Variants in ACYP2 observed in about 807,000 individuals in gnomAD.
The protein encoded by ACYP2 is acylphosphatase 2, also known as acylphosphatase-2.
ACYP2 carries 12 observed loss-of-function variants against 11.2 expected under a neutral mutation model. The ratio of observed to expected loss-of-function variants is 1.08; its 90% CI spans 0.69 to 1.74. ACYP2 has a LOEUF of 1.74. Among genes scored for constraint, ACYP2 ranks in the 40% most tolerant of loss-of-function variants. ACYP2 has a pLI of 0.00. For missense variants in ACYP2, 134 were observed against 101.9 expected, an observed-to-expected ratio of 1.31 and a Z score of -1.35; for synonymous variants, 43 against 32.2, an observed-to-expected ratio of 1.33 and a Z score of -1.13.
At chr2:54,296,432 T>C (rs888402607) in intron 6 of ACYP2, among the ~76,000 whole-genome samples, 5 of 152,246 alleles carry the variant, frequency 3.3e-5, no homozygotes, top group African/African-American at 4.8e-5. Flanking sequence ...GCACAGTTAA[T>C]TTATTACACA....
intron 2 of ACYP2, among the ~76,000 whole-genome samples, chr2:54,040,198 G>T (rs1317828661): frequency 5.3e-5 from 8 of 152,150 alleles, no homozygotes. Context: ...TGATAGGTCA[G>T]ATGTGAGGTG....
chr2:54,111,628 C>T (rs905731562), intron 4 of ACYP2, among the ~76,000 whole-genome samples: 2 of 152,230 alleles, frequency 1.3e-5, no homozygotes, highest in African/African-American at 4.8e-5. Context: ...AGCTGACCAA[C>T]AGTCTGCTGT....
At chr2:54,133,202 T>C (rs1055395828) in intron 4 of ACYP2, among the ~76,000 whole-genome samples, 2 of 152,212 alleles carry the variant, frequency 1.3e-5, no homozygotes, top group East Asian at 1.9e-4. Context: ...TCCTTATAGT[T>C]TGCCTTTTCC....
intron 6 of ACYP2, among the ~76,000 whole-genome samples, chr2:54,158,909 G>C (rs887630949): frequency 6.6e-6 from 1 of 152,162 alleles, no homozygotes; most frequent in Non-Finnish European, 1.5e-5. Context: ...ACAATATTTT[G>C]ATGCATAATG....
At chr2:54,198,918 C>T (rs1398732186) in intron 6 of ACYP2, among the ~76,000 whole-genome samples, 1 of 152,176 alleles carries the variant, frequency 6.6e-6, no homozygotes, top group African/African-American at 2.4e-5. Context: ...ACACTCTCTC[C>T]CCTCAGCTTC....
intron 4 of ACYP2, among the ~76,000 whole-genome samples, chr2:54,082,307 G>A (rs898675397): frequency 2.0e-5 from 3 of 151,032 alleles, no homozygotes; most frequent in Middle Eastern, 3.4e-3. Flanking sequence ...GTGCAGTGGT[G>A]TGGTCTCGGC....
At chr2:54,076,561 A>G (rs993817714) in intron 4 of ACYP2, among the ~76,000 whole-genome samples, 1 of 152,262 alleles carries the variant, frequency 6.6e-6, no homozygotes, top group African/African-American at 2.4e-5. Flanking sequence ...AATATTGAAT[A>G]TAAAAATATT....
At chr2:54,215,592 T>C (rs921619106) in intron 6 of ACYP2, among the ~76,000 whole-genome samples, 1 of 152,192 alleles carries the variant, frequency 6.6e-6, no homozygotes, top group Non-Finnish European at 1.5e-5. Context: ...TGTAGATAGC[T>C]GCTATTGTGG....
At chr2:54,045,406 G>T (rs1410529634) in intron 2 of ACYP2, among the ~76,000 whole-genome samples, 1 of 152,184 alleles carries the variant, frequency 6.6e-6, no homozygotes, top group Non-Finnish European at 1.5e-5. Context: ...ATGCAGTGGG[G>T]ATACGAAACT....
chr2:54,055,285 C>T (rs899177755), intron 3 of ACYP2, among the ~76,000 whole-genome samples: 1 of 152,186 alleles, frequency 6.6e-6, no homozygotes, highest in African/African-American at 2.4e-5. Context: ...ATCCACCTGC[C>T]TTGGCCACCC....
intron 6 of ACYP2, among the ~76,000 whole-genome samples, chr2:54,165,535 T>TCACACA (rs1163844895): frequency 2.4e-3 from 311 of 128,944 alleles, no homozygotes; most frequent in Middle Eastern, 7.2e-3. Flanking sequence ...TCTCTCTCTC[T>TCACACA]CACACACACA....
At chr2:54,007,138 C>CAAA (rs70944145) in intron 2 of ACYP2, among the ~76,000 whole-genome samples, 639 of 51,984 alleles carry the variant, frequency 0.012, no homozygotes, top group Non-Finnish European at 0.014. Flanking sequence ...GACTCTGTGT[C>CAAA]AAAAAAAAAA....
chr2:53,978,801 T>A (rs1467766074), intron 2 of ACYP2, among the ~76,000 whole-genome samples: 1 of 152,180 alleles, frequency 6.6e-6, no homozygotes, highest in African/African-American at 2.4e-5. Context: ...CACATTCCTG[T>A]GGTCCCAGCT....
intron 6 of ACYP2, among the ~76,000 whole-genome samples, chr2:54,303,160 G>A (rs1689792333): frequency 6.6e-6 from 1 of 152,164 alleles, no homozygotes; most frequent in South Asian, 2.1e-4. Context: ...GACCAGCCTA[G>A]GCAACATGGT....
rs561748353 is a variant in ACYP2 at position 54,192,390 on chromosome 2, TTTTAAATTTC to T, written c.404+53643_404+53652del. On this transcript the variant is annotated intron_variant, in intron 6 of 6. Transcript: ENST00000607452. Reference sequence around the variant, plus strand: ...ATTACACAGTACTTATTTTTAATTTTTTTAAATTTCACATATAAAATGTTGTCAACCTTAT... The same window carrying T: ...ATTACACAGTACTTATTTTTAATTTTACATATAAAATGTTGTCAACCTTAT... 2.5e-3 allele frequency among the ~76,000 whole-genome samples: 376 copies of T among 152,292 alleles called. 1 individual carries two copies. The highest frequency in any genetic ancestry group is 8.2e-3 in the African/African-American group (340 of 41,574).
At chr2:54,264,398 G>GTGTT (rs1687922672) in intron 6 of ACYP2, among the ~76,000 whole-genome samples, 1 of 152,180 alleles carries the variant, frequency 6.6e-6, no homozygotes, top group Admixed American at 6.5e-5. Context: ...GCTGATTGGT[G>GTGTT]TGTTTACAAT....
intron 4 of ACYP2, among the ~76,000 whole-genome samples, chr2:54,103,262 C>T (rs1678994470): frequency 6.6e-6 from 1 of 152,196 alleles, no homozygotes; most frequent in Admixed American, 6.5e-5. Flanking sequence ...TAGATAAAAG[C>T]AACACATGTC....
intron 6 of ACYP2, among the ~76,000 whole-genome samples, chr2:54,266,655 G>T (rs1352500058): frequency 5.8e-5 from 7 of 119,758 alleles, no homozygotes; most frequent in African/African-American, 2.3e-4. Flanking sequence ...GCCCATGCTG[G>T]AGTGCAGTGG....
chr2:54,235,897 T>C (rs922648909), intron 6 of ACYP2, among the ~76,000 whole-genome samples: 4 of 152,170 alleles, frequency 2.6e-5, no homozygotes, highest in Non-Finnish European at 5.9e-5. Flanking sequence ...TTTCCTCTTT[T>C]ATTTCTGATA....
Sources: gnomAD v4.1 joint callset for allele counts (sites outside exome capture counted in the v4.1 genomes callset) on GRCh38, gnomAD v4.1.1 for gene constraint, MANE v1.5 for transcripts, NCBI Gene and HGNC (gene_info 2026-07-23, HGNC 2026-07-21) for gene names.